EEPD1: variants seen among roughly 807,000 people sequenced by gnomAD.
The protein encoded by EEPD1 is endonuclease/exonuclease/phosphatase family domain containing 1, also known as endonuclease/exonuclease/phosphatase family domain-containing protein 1.
A neutral mutation model predicts 46.3 loss-of-function variants in EEPD1; 17 were observed. The ratio of observed to expected loss-of-function variants is 0.37; its 90% CI spans 0.25 to 0.55. EEPD1 has a LOEUF of 0.55. EEPD1 is among the 20% of genes least tolerant of loss of function. The pLI is 0.83. For missense variants in EEPD1, 673 were observed against 745.6 expected, an observed-to-expected ratio of 0.90 and a Z score of 1.13; for synonymous variants, 313 against 315.6, an observed-to-expected ratio of 0.99 and a Z score of 0.09.
chr7:36,269,713 T>G (rs1198328620), intron 3 of EEPD1, among the ~76,000 whole-genome samples: 1 of 152,180 alleles, frequency 6.6e-6, no homozygotes, highest in Non-Finnish European at 1.5e-5. Flanking sequence ...CTGGGCAACA[T>G]AGAGAGATCC....
At chr7:36,295,034 CA>C (rs1018698298) in intron 6 of EEPD1, among the ~76,000 whole-genome samples, 9 of 151,992 alleles carry the variant, frequency 5.9e-5, no homozygotes, top group African/African-American at 2.2e-4. Flanking sequence ...AAAGATTAGC[CA>C]GGCGTGGTGG....
At chr7:36,298,336 G>A (rs953014588) in intron 7 of EEPD1, among the ~76,000 whole-genome samples, 3 of 152,166 alleles carry the variant, frequency 2.0e-5, no homozygotes, top group Non-Finnish European at 2.9e-5. Flanking sequence ...TGAGCTCAGG[G>A]AGGAGTTGCC....
intron 6 of EEPD1, among the ~76,000 whole-genome samples, chr7:36,295,445 G>GA (rs1415662317): frequency 6.6e-6 from 1 of 152,122 alleles, no homozygotes; most frequent in African/African-American, 2.4e-5. Context: ...GTAAATGGTT[G>GA]AAAAAATTAA....
At chr7:36,241,396 C>T (rs1053868106) in intron 3 of EEPD1, among the ~76,000 whole-genome samples, 1 of 152,108 alleles carries the variant, frequency 6.6e-6, no homozygotes, top group Non-Finnish European at 1.5e-5. Context: ...TTCCTTGAAC[C>T]TGGCAAGCGG....
chr7:36,286,752 G>A (rs755619017), intron 5 of EEPD1, among the ~76,000 whole-genome samples: 13 of 152,136 alleles, frequency 8.5e-5, no homozygotes, highest in African/African-American at 1.2e-4. Flanking sequence ...ACATCCCAGC[G>A]GTGGGTCCTG....
At chr7:36,240,104 T>G (rs1235070831) in intron 3 of EEPD1, among the ~76,000 whole-genome samples, 2 of 152,006 alleles carry the variant, frequency 1.3e-5, no homozygotes, top group Non-Finnish European at 2.9e-5. Context: ...CCTCATCTCT[T>G]CAGAAAATCA....
At chr7:36,242,837 G>T (rs1422243913) in intron 3 of EEPD1, among the ~76,000 whole-genome samples, 1 of 151,814 alleles carries the variant, frequency 6.6e-6, no homozygotes, top group African/African-American at 2.4e-5. Context: ...GCTGAGGCAG[G>T]AGAATCTCTT....
At chr7:36,217,486 C>G (rs758549722) in intron 2 of EEPD1, among the ~76,000 whole-genome samples, 25 of 152,212 alleles carry the variant, frequency 1.6e-4, no homozygotes, top group Non-Finnish European at 2.1e-4. Context: ...CTTTTATCAG[C>G]AAGGTCTTCA....
At chr7:36,170,822 A>G (rs2115626948) in intron 2 of EEPD1, among the ~76,000 whole-genome samples, 1 of 152,262 alleles carries the variant, frequency 6.6e-6, no homozygotes, top group South Asian at 2.1e-4. Context: ...TCCAATGTTT[A>G]AGTGTCCTTA....
At chr7:36,187,717 A>G (rs1176583601) in intron 2 of EEPD1, among the ~76,000 whole-genome samples, 2 of 152,296 alleles carry the variant, frequency 1.3e-5, no homozygotes, top group Admixed American at 1.3e-4. Flanking sequence ...GGGTGTGCAG[A>G]CAATCTGTCT....
chr7:36,172,089 A>G (rs543953877), intron 2 of EEPD1, among the ~76,000 whole-genome samples: 16 of 152,194 alleles, frequency 1.1e-4, no homozygotes, highest in Non-Finnish European at 1.8e-4. Context: ...TTGGGGACTC[A>G]GGGCTCTTCT....
intron 2 of EEPD1, among the ~76,000 whole-genome samples, chr7:36,162,713 A>G (rs1252015560): frequency 6.6e-6 from 1 of 152,158 alleles, no homozygotes; most frequent in Non-Finnish European, 1.5e-5. Flanking sequence ...CCCAACTAAT[A>G]TTGATTTGTT....
intron 3 of EEPD1, among the ~76,000 whole-genome samples, chr7:36,262,424 T>C (rs1786942698): frequency 6.6e-6 from 1 of 152,032 alleles, no homozygotes. Flanking sequence ...AGAGTGAAAG[T>C]TTATTAAAAA....
intron 3 of EEPD1, among the ~76,000 whole-genome samples, chr7:36,261,291 G>A (rs73326625): frequency 0.1 from 15,283 of 152,230 alleles, 1,089 homozygotes; most frequent in East Asian, 0.37. Flanking sequence ...GGTTGGAAGA[G>A]GGCCTGCTCT....
intron 2 of EEPD1, among the ~76,000 whole-genome samples, chr7:36,197,434 C>T (rs1020701953): frequency 1.2e-4 from 19 of 152,190 alleles, no homozygotes; most frequent in East Asian, 1.9e-4. Flanking sequence ...TCATTGAGAA[C>T]GGGCCATGAT....
At chr7:36,253,533 G>T (rs990175614) in intron 3 of EEPD1, among the ~76,000 whole-genome samples, 3 of 152,100 alleles carry the variant, frequency 2.0e-5, no homozygotes, top group African/African-American at 7.2e-5. Context: ...TTCTGTTATT[G>T]AAAGTGGGTA....
intron 2 of EEPD1, among the ~76,000 whole-genome samples, chr7:36,202,856 T>C (rs1785737355): frequency 6.6e-6 from 1 of 152,236 alleles, no homozygotes; most frequent in Admixed American, 6.5e-5. Context: ...CAGAATTCTC[T>C]TGAGTTTGGA....
At chr7:36,227,004 AAGT>A (rs1166166561) in intron 2 of EEPD1, among the ~76,000 whole-genome samples, 1 of 152,152 alleles carries the variant, frequency 6.6e-6, no homozygotes, top group Non-Finnish European at 1.5e-5. Context: ...GAAACCAACA[AAGT>A]AGACTGATTT....
At chr7:36,210,486 A>G (rs145134712) in intron 2 of EEPD1, among the ~76,000 whole-genome samples, 283 of 152,304 alleles carry the variant, frequency 1.9e-3, no homozygotes, top group African/African-American at 6.7e-3. Flanking sequence ...TGTCTCCTTC[A>G]GCTTGTTCCC....
Sources: allele counts gnomAD v4.1 joint callset (sites outside exome capture counted in the v4.1 genomes callset), GRCh38; gene constraint gnomAD v4.1.1; transcripts MANE v1.5; gene names NCBI Gene and HGNC (gene_info 2026-07-23, HGNC 2026-07-21).